The following AGBL4 variants were observed in gnomAD, a reference collection of about 807,000 sequenced individuals.
AGBL4 encodes AGBL carboxypeptidase 4.
A neutral mutation model predicts 66.4 loss-of-function variants in AGBL4; 58 were observed. The observed-to-expected ratio is 0.87, with a 90% CI of 0.71 to 1.09. The LOEUF is 1.09. Ranked by LOEUF, AGBL4 falls within the 50% of genes least tolerant of loss-of-function variation. The pLI, the probability that AGBL4 is intolerant of heterozygous loss-of-function variation, is 0.00. For missense variants in AGBL4, 579 were observed against 631.0 expected, an observed-to-expected ratio of 0.92 and a Z score of 0.88; for synonymous variants, 234 against 222.9, an observed-to-expected ratio of 1.05 and a Z score of -0.44.
At position 48,589,424 on chromosome 1, in the gene AGBL4, A is replaced by G. The variant is rs554515425; in HGVS notation, c.1104+1409T>C. ...AGTTTTCAGCTCATCAACTTCAAAA[A>G]TTGCTATGACCTTTGTGGGCCTCTG... On this transcript the variant is annotated intron_variant, in intron 10 of 13. Transcript: ENST00000371839. Among the ~76,000 whole-genome samples the G allele has an allele frequency of 3.2e-4, 49 of 152,310 alleles. 1 individual carries two copies. In the South Asian group the frequency reaches 9.7e-3, roughly 30 times the overall value.
chr1:49,260,189 C>T (rs1306890140), intron 3 of AGBL4, among the ~76,000 whole-genome samples: 2 of 151,524 alleles, frequency 1.3e-5, no homozygotes, highest in Non-Finnish European at 2.9e-5. Context: ...GCACTGAATG[C>T]CCACAAGAGA....
chr1:48,544,288 C>G lies in AGBL4; in HGVS notation c.1268-4550G>C, dbSNP rs578214993. On this transcript the variant is annotated intron_variant, in intron 11 of 13. Transcript: ENST00000371839. ...CCAGTCTCCATTTGGCTGGAGGAAA[C>G]CAAATGGTGGTTGTGTGCGCCAGCA... 2.0e-5 allele frequency among the ~76,000 whole-genome samples: 3 copies of G among 151,016 alleles called. No individual in the cohort carries two copies. In the South Asian group the frequency reaches 6.2e-4, roughly 31 times the overall value.
In AGBL4 at chr1:48,874,277, A is replaced by G. The variant is rs528375176; in HGVS notation, c.595-7047T>C. ...TCAGTTCATTCCCTCCCCCAGCCAT[A>G]GTCACTTTCTAGGCATCTAGGGATC... On this transcript the variant is annotated intron_variant, in intron 5 of 13. Transcript: ENST00000371839. Among the ~76,000 whole-genome samples the G allele has an allele frequency of 5.9e-5, 9 of 152,044 alleles. No individual in the cohort carries two copies. The East Asian group carries it at 1.6e-3, about 26-fold the overall frequency.
At chr1:48,976,175 A>G (rs772154532) in intron 5 of AGBL4, among the ~76,000 whole-genome samples, 2 of 152,172 alleles carry the variant, frequency 1.3e-5, no homozygotes, top group Non-Finnish European at 2.9e-5. Flanking sequence ...AAATCTAACT[A>G]AAGAGTACCC....
intron 6 of AGBL4, among the ~76,000 whole-genome samples, chr1:48,748,867 T>G (rs188318332): frequency 7.2e-5 from 11 of 151,860 alleles, no homozygotes; most frequent in African/African-American, 2.7e-4. Context: ...TTTCTGTGAG[T>G]GAGGGCAGGA....
chr1:49,911,131 T>C (rs374022542), intron 1 of AGBL4, among the ~76,000 whole-genome samples: 10 of 152,172 alleles, frequency 6.6e-5, no homozygotes, highest in African/African-American at 1.9e-4. Context: ...CCAGAGGACA[T>C]AGTAGACTAT....
chr1:49,911,431 T>C (rs1039415441), intron 1 of AGBL4, among the ~76,000 whole-genome samples: 2 of 152,194 alleles, frequency 1.3e-5, no homozygotes, highest in African/African-American at 2.4e-5. Context: ...AAGATAGTTC[T>C]ATGGATATAG....
At chr1:49,908,244 T>C (rs1391470579) in intron 1 of AGBL4, among the ~76,000 whole-genome samples, 2 of 151,836 alleles carry the variant, frequency 1.3e-5, no homozygotes, top group Admixed American at 1.3e-4. Flanking sequence ...GTGATACAGT[T>C]TGGATGTTGT....
chr1:48,847,572 A>T (rs1368718848), intron 6 of AGBL4, among the ~76,000 whole-genome samples: 2 of 152,170 alleles, frequency 1.3e-5, no homozygotes, highest in African/African-American at 4.8e-5. Flanking sequence ...GGATTTAGAC[A>T]ATAAAACGTA....
At chr1:48,523,794 T>C in the AGBL4 span, among the ~76,000 whole-genome samples, 1 of 152,174 alleles carries the variant, frequency 6.6e-6, no homozygotes, top group South Asian at 2.1e-4. Context: ...GATTTCATCA[T>C]TGTGTGAACA....
intron 11 of AGBL4, among the ~76,000 whole-genome samples, chr1:48,575,358 T>C (rs756712787): frequency 1.3e-5 from 2 of 152,134 alleles, no homozygotes; most frequent in East Asian, 1.9e-4. Flanking sequence ...CTTTTAAAGA[T>C]GAAAAGAGTT....
chr1:49,950,157 T>TAC (rs759678831), intron 1 of AGBL4, among the ~76,000 whole-genome samples: 1 of 144,948 alleles, frequency 6.9e-6, no homozygotes, highest in African/African-American at 2.5e-5. Flanking sequence ...TGTATATATA[T>TAC]ACACACATAT....
intron 2 of AGBL4, among the ~76,000 whole-genome samples, chr1:49,707,288 TA>T (rs1647276534): frequency 6.6e-6 from 1 of 152,076 alleles, no homozygotes; most frequent in Non-Finnish European, 1.5e-5. Context: ...CCTTTACCCT[TA>T]TGTAATGCAT....
At chr1:49,565,790 C>A (rs550593846) in intron 3 of AGBL4, among the ~76,000 whole-genome samples, 8 of 152,108 alleles carry the variant, frequency 5.3e-5, no homozygotes, top group African/African-American at 1.9e-4. Context: ...CGGAGTTGCT[C>A]TTCTTGAGGA....
At position 48,552,271 on chromosome 1, in the gene AGBL4, T is replaced by G. The variant is rs555016835; in HGVS notation, c.1268-12533A>C. Among the ~76,000 whole-genome samples the G allele has an allele frequency of 1.4e-4, 21 of 152,198 alleles. No homozygotes were observed. In the East Asian group the frequency reaches 3.9e-3, roughly 28 times the overall value. On this transcript the variant is annotated intron_variant, in intron 11 of 13. Transcript: ENST00000371839. ...CAGAGACGAGGTTTCACCATGCTGA[T>G]CAGGCTTGTCTCGAACTCCTGACCT...
chr1:48,837,456 T>G (rs1646701966), intron 6 of AGBL4, among the ~76,000 whole-genome samples: 1 of 151,682 alleles, frequency 6.6e-6, no homozygotes, highest in Non-Finnish European at 1.5e-5. Context: ...CAGGTGCCAG[T>G]GCAGCTAGGA....
At chr1:49,114,507 C>G (rs1010590219) in intron 4 of AGBL4, among the ~76,000 whole-genome samples, 2 of 152,168 alleles carry the variant, frequency 1.3e-5, no homozygotes, top group Admixed American at 1.3e-4. Context: ...TATTTACTGG[C>G]AGAACACTTT....
intron 2 of AGBL4, among the ~76,000 whole-genome samples, chr1:49,824,455 C>T (rs955419795): frequency 1.4e-4 from 21 of 152,108 alleles, no homozygotes; most frequent in African/African-American, 5.1e-4. Flanking sequence ...TGAGATATGG[C>T]ATTTGAATCA....
intron 6 of AGBL4, among the ~76,000 whole-genome samples, chr1:48,699,238 T>C (rs1281214930): frequency 1.3e-5 from 2 of 152,212 alleles, no homozygotes; most frequent in Non-Finnish European, 2.9e-5. Context: ...TAATGCTCTG[T>C]GGTCTTAGGC....
Sources: allele counts gnomAD v4.1 joint callset (sites outside exome capture counted in the v4.1 genomes callset), GRCh38; gene constraint gnomAD v4.1.1; transcripts MANE v1.5; gene names NCBI Gene and HGNC (gene_info 2026-07-23, HGNC 2026-07-21).